The following ZNF521 variants were observed in gnomAD, a reference collection of about 807,000 sequenced individuals.
ZNF521 encodes the protein LYST-interacting protein 3.
In ZNF521, 14 loss-of-function variants were observed where a neutral mutation model predicts 105.5. The observed-to-expected ratio is 0.13, with a 90% CI of 0.09 to 0.21. The LOEUF is 0.21. Among genes scored for constraint, ZNF521 ranks in the 10% least tolerant of loss-of-function variants. ZNF521 has a pLI of 1.00. For missense variants in ZNF521, 1,233 were observed against 1,629.7 expected, an observed-to-expected ratio of 0.76 and a Z score of 4.19; for synonymous variants, 635 against 606.0, an observed-to-expected ratio of 1.05 and a Z score of -0.70.
At chr18:25,295,694 G>C (rs1911285418) in intron 3 of ZNF521, among the ~76,000 whole-genome samples, 1 of 151,844 alleles carries the variant, frequency 6.6e-6, no homozygotes, top group Non-Finnish European at 1.5e-5. Flanking sequence ...TGAATATGCA[G>C]TTTATTCTGT....
chr18:25,342,404 CTTTG>C (rs1914246488), intron 2 of ZNF521, among the ~76,000 whole-genome samples: 3 of 119,680 alleles, frequency 2.5e-5, no homozygotes, highest in African/African-American at 9.5e-5. Context: ...CTTTTCTTTC[CTTTG>C]TTTTTTTTTT....
chr18:25,192,213 G>C (rs189258272), intron 5 of ZNF521, among the ~76,000 whole-genome samples: 2 of 152,178 alleles, frequency 1.3e-5, no homozygotes, highest in Admixed American at 1.3e-4. Context: ...TTCCTTAATA[G>C]ACATAAGTCA....
At chr18:25,128,604 G>A (rs555372329) in intron 5 of ZNF521, among the ~76,000 whole-genome samples, 1 of 152,110 alleles carries the variant, frequency 6.6e-6, no homozygotes, top group South Asian at 2.1e-4. Context: ...AGCAATTACA[G>A]CAATGTTGCA....
intron 7 of ZNF521, among the ~76,000 whole-genome samples, chr18:25,065,556 A>T (rs560228001): frequency 1.3e-5 from 2 of 152,274 alleles, no homozygotes; most frequent in East Asian, 3.9e-4. Context: ...CAAGCATTTT[A>T]AAAAAGGAAT....
chr18:25,143,508 T>C (rs888406346), intron 5 of ZNF521, among the ~76,000 whole-genome samples: 7 of 152,140 alleles, frequency 4.6e-5, no homozygotes, highest in Non-Finnish European at 1.0e-4. Flanking sequence ...TGGTTTTGTT[T>C]AGAATAAACT....
At chr18:25,314,477 G>C (rs1315832639) in intron 3 of ZNF521, among the ~76,000 whole-genome samples, 2 of 152,152 alleles carry the variant, frequency 1.3e-5, no homozygotes, top group African/African-American at 2.4e-5. Context: ...AGTTTCATAA[G>C]ATTTAAAACA....
At chr18:25,076,278 T>C (rs1284684467) in intron 7 of ZNF521, among the ~76,000 whole-genome samples, 1 of 152,208 alleles carries the variant, frequency 6.6e-6, no homozygotes, top group Non-Finnish European at 1.5e-5. Flanking sequence ...AGAAAAAGAC[T>C]GTTTATCCCA....
intron 3 of ZNF521, among the ~76,000 whole-genome samples, chr18:25,305,274 T>C (rs1415596880): frequency 1.8e-4 from 28 of 152,208 alleles, no homozygotes; most frequent in Admixed American, 1.8e-3. Flanking sequence ...TAAACTCAGA[T>C]TAATATATTT....
intron 5 of ZNF521, among the ~76,000 whole-genome samples, chr18:25,122,641 G>C (rs1163671319): frequency 6.6e-6 from 1 of 152,258 alleles, no homozygotes; most frequent in East Asian, 1.9e-4. Flanking sequence ...TTATGGACCT[G>C]AATGTTGATC....
At chr18:25,123,200 A>C (rs897874690) in intron 5 of ZNF521, among the ~76,000 whole-genome samples, 1 of 151,856 alleles carries the variant, frequency 6.6e-6, no homozygotes, top group Non-Finnish European at 1.5e-5. Context: ...AGAGAAGCAA[A>C]CACTGTTTTG....
intron 6 of ZNF521, among the ~76,000 whole-genome samples, chr18:25,091,117 GCAAA>G (rs1250134936): frequency 6.6e-6 from 1 of 152,158 alleles, no homozygotes; most frequent in African/African-American, 2.4e-5. Flanking sequence ...ATTTTGCTCT[GCAAA>G]CAAAGAAGTC....
At chr18:25,203,678 G>C (rs1057364384) in intron 4 of ZNF521, among the ~76,000 whole-genome samples, 2 of 152,126 alleles carry the variant, frequency 1.3e-5, no homozygotes, top group African/African-American at 4.8e-5. Context: ...ATTCAGAAGA[G>C]AGCCAGGGCT....
chr18:25,338,797 T>C (rs1914042082), intron 2 of ZNF521, among the ~76,000 whole-genome samples: 1 of 152,160 alleles, frequency 6.6e-6, no homozygotes. Context: ...GATGTGAAAA[T>C]TGTGCTAAGA....
intron 6 of ZNF521, among the ~76,000 whole-genome samples, chr18:25,091,463 G>A (rs141083160): frequency 1.8e-4 from 27 of 152,046 alleles, no homozygotes; most frequent in African/African-American, 6.5e-4. Context: ...CATCTAATCT[G>A]TTTTCCATGT....
intron 3 of ZNF521, among the ~76,000 whole-genome samples, chr18:25,271,548 T>C (rs1304292761): frequency 6.6e-6 from 1 of 152,158 alleles, no homozygotes; most frequent in East Asian, 1.9e-4. Context: ...CAAAGCAGCA[T>C]AGTACTGGTA....
At chr18:25,089,316 A>G in intron 7 of ZNF521, 149 bp downstream of exon 7, 1 of 622,748 alleles carries the variant, frequency 1.6e-6, no homozygotes, top group Non-Finnish European at 2.8e-6. Context: ...CTATTAATCC[A>G]GGCTCTAATT....
At chr18:25,159,003 A>T (rs2035200869) in intron 5 of ZNF521, among the ~76,000 whole-genome samples, 1 of 152,060 alleles carries the variant, frequency 6.6e-6, no homozygotes, top group Non-Finnish European at 1.5e-5. Flanking sequence ...AAATGAAAGA[A>T]GGAAACATCC....
chr18:25,218,201 T>C (rs141286925), intron 4 of ZNF521, among the ~76,000 whole-genome samples: 1 of 152,046 alleles, frequency 6.6e-6, no homozygotes, highest in African/African-American at 2.4e-5. Flanking sequence ...GCTAGACAGA[T>C]TTGTGTTTTA....
intron 5 of ZNF521, among the ~76,000 whole-genome samples, chr18:25,093,908 CTATT>C (rs2033800458): frequency 6.6e-6 from 1 of 152,068 alleles, no homozygotes; most frequent in South Asian, 2.1e-4. Context: ...ATAAAAAACA[CTATT>C]TATTGTAAGA....
Sources: gnomAD v4.1 joint callset for allele counts (sites outside exome capture counted in the v4.1 genomes callset) on GRCh38, gnomAD v4.1.1 for gene constraint, MANE v1.5 for transcripts, NCBI Gene and HGNC (gene_info 2026-07-23, HGNC 2026-07-21) for gene names.